Variants in SLC14A2 observed in about 807,000 individuals in gnomAD.
SLC14A2 encodes urea transporter 2.
Under a neutral mutation model 104.6 loss-of-function variants are expected in SLC14A2, and 91 were observed. The observed-to-expected ratio is 0.87, with a 90% CI of 0.73 to 1.04. The LOEUF is 1.04. SLC14A2 is among the 50% of genes least tolerant of loss of function. The pLI is 0.00. For missense variants in SLC14A2, 1,189 were observed against 1,156.0 expected (o/e 1.03, Z -0.41); for synonymous variants, 476 against 466.4 (o/e 1.02, Z -0.27).
At chr18:45,223,722 A>AGG (rs2084086102) in intron 1 of SLC14A2, among the ~76,000 whole-genome samples, 1 of 152,166 alleles carries the variant, frequency 6.6e-6, no homozygotes, top group Non-Finnish European at 1.5e-5. Flanking sequence ...TAAGGACTCT[A>AGG]AGACTCAGCC....
intron 10 of SLC14A2, among the ~76,000 whole-genome samples, chr18:45,660,654 A>C (rs1176252672): frequency 6.6e-6 from 1 of 152,244 alleles, no homozygotes; most frequent in African/African-American, 2.4e-5. Context: ...CAGTGGGATT[A>C]TGTGACTTGC....
chr18:45,644,858 ATTT>A (rs2045592014), intron 10 of SLC14A2, among the ~76,000 whole-genome samples: 1 of 151,996 alleles, frequency 6.6e-6, no homozygotes, highest in Admixed American at 6.6e-5. Context: ...TTAAAATTTA[ATTT>A]TTTTAATTTT....
At chr18:45,393,490 C>T (rs527965434) in intron 1 of SLC14A2, among the ~76,000 whole-genome samples, 2 of 152,308 alleles carry the variant, frequency 1.3e-5, no homozygotes, top group African/African-American at 4.8e-5. Context: ...TCATTTTTCT[C>T]TACAGAAAGG....
rs2043610875 is a variant in SLC14A2 at position 45,527,463 on chromosome 18, C to A, written c.-35+44141C>A. ...GATAAAAGCAAGAAGACAGGCTTCC[C>A]TTAAAGTTAGCAATAGCAATAGAAT... is the stretch of plus-strand genomic sequence containing the variant. On this transcript the variant is annotated intron_variant, in intron 2 of 20. Transcript: ENST00000586448. Among the ~76,000 whole-genome samples, 5 of 152,164 alleles carry A rather than the reference C, an allele frequency of 3.3e-5. No homozygotes were observed. In the South Asian group the frequency reaches 1.0e-3, roughly 32 times the overall value.
chr18:45,327,760 A>G (rs2144253353), intron 1 of SLC14A2, among the ~76,000 whole-genome samples: 1 of 152,300 alleles, frequency 6.6e-6, no homozygotes, highest in South Asian at 2.1e-4. Context: ...GTATGTATCC[A>G]TTGATGGACT....
chr18:45,298,721 A>G (rs970596532), intron 1 of SLC14A2, among the ~76,000 whole-genome samples: 41 of 152,320 alleles, frequency 2.7e-4, no homozygotes, highest in African/African-American at 9.4e-4. Flanking sequence ...AAGATACCCA[A>G]TTTAAATCTC....
At chr18:45,640,908 C>A (rs1357032867) in intron 7 of SLC14A2, among the ~76,000 whole-genome samples, 1 of 152,184 alleles carries the variant, frequency 6.6e-6, no homozygotes, top group Non-Finnish European at 1.5e-5. Context: ...GCTAAGACTG[C>A]AGTTGCTGTA....
intron 2 of SLC14A2, among the ~76,000 whole-genome samples, chr18:45,569,772 T>A (rs1028100582): frequency 2.0e-5 from 3 of 152,154 alleles, no homozygotes; most frequent in Non-Finnish European, 4.4e-5. Context: ...CAAATGACAG[T>A]GGGAGACACA....
rs188784165 is a variant in SLC14A2 at position 45,520,871 on chromosome 18, C to T, written c.-35+37549C>T. Among the ~76,000 whole-genome samples the T allele has an allele frequency of 2.6e-5, 4 of 152,314 alleles. No homozygotes were observed. The East Asian group carries it at 7.7e-4, about 29-fold the overall frequency. On this transcript the variant is annotated intron_variant, in intron 2 of 20. Coordinates refer to the SLC14A2 transcript ENST00000586448. ...TAAGTGGCAAAGCCCAGGGCATATA[C>T]AAGCTGTTAGGATCATGATTATTAT...
At chr18:45,572,537 G>A (rs1187631706) in intron 2 of SLC14A2, among the ~76,000 whole-genome samples, 1 of 152,180 alleles carries the variant, frequency 6.6e-6, no homozygotes, top group Non-Finnish European at 1.5e-5. Context: ...AGACTGCCAT[G>A]TTTAACCCTG....
At chr18:45,228,401 G>A (rs2084140840) in intron 1 of SLC14A2, among the ~76,000 whole-genome samples, 1 of 152,050 alleles carries the variant, frequency 6.6e-6, no homozygotes, top group Non-Finnish European at 1.5e-5. Context: ...TTGATGTGTG[G>A]ATGCCCTTCT....
chr18:45,466,382 A>T (rs2087142935), intron 1 of SLC14A2, among the ~76,000 whole-genome samples: 1 of 151,876 alleles, frequency 6.6e-6, no homozygotes, highest in Non-Finnish European at 1.5e-5. Context: ...GGGCATGTGC[A>T]TCAGTAACTG....
chr18:45,423,292 A>C (rs1377427986), intron 1 of SLC14A2, among the ~76,000 whole-genome samples: 1 of 152,206 alleles, frequency 6.6e-6, no homozygotes, highest in Admixed American at 6.5e-5. Flanking sequence ...ATCCTTCTGA[A>C]AGGTGGTTAT....
chr18:45,578,856 G>T (rs2044450909), intron 2 of SLC14A2, among the ~76,000 whole-genome samples: 1 of 152,182 alleles, frequency 6.6e-6, no homozygotes, highest in African/African-American at 2.4e-5. Context: ...AATTTATTTA[G>T]CTTAGGAACT....
intron 2 of SLC14A2, among the ~76,000 whole-genome samples, chr18:45,598,478 C>G (rs770336580): frequency 1.3e-5 from 2 of 152,078 alleles, no homozygotes; most frequent in Non-Finnish European, 2.9e-5. Context: ...AGACGCTTTC[C>G]TTTTTAAGTC....
chr18:45,328,283 A>G (rs994073525), intron 1 of SLC14A2, among the ~76,000 whole-genome samples: 2 of 152,196 alleles, frequency 1.3e-5, no homozygotes, highest in African/African-American at 2.4e-5. Flanking sequence ...TGGAGTCCCC[A>G]GCAAACGCAT....
chr18:45,290,114 C>T (rs1345728527), intron 1 of SLC14A2, among the ~76,000 whole-genome samples: 6 of 151,524 alleles, frequency 4.0e-5, no homozygotes, highest in Admixed American at 2.0e-4. Context: ...GTAAAAAAAA[C>T]GTTTATTTTA....
rs139192217 is a variant in SLC14A2 at position 45,371,556 on chromosome 18, A to G, written c.-124-111677A>G. On this transcript the variant is annotated intron_variant, in intron 1 of 20. Transcript: ENST00000586448. ...AACTGAGACTTAGCTAGTTAAGTCT[A>G]AGTTTACACATGTATCTAAGACTAC... Among the ~76,000 whole-genome samples, 393 of 152,330 alleles carry G rather than the reference A, an allele frequency of 2.6e-3. 2 individuals carry two copies. Among genetic ancestry groups the G allele is most frequent in the Middle Eastern group, 0.017 (5 of 294 alleles).
the SLC14A2 span, among the ~76,000 whole-genome samples, chr18:45,186,054 T>C: frequency 6.6e-6 from 1 of 152,238 alleles, no homozygotes; most frequent in Non-Finnish European, 1.5e-5. Flanking sequence ...ATTTTCATAT[T>C]AGTCTCTAAA....
Sources: allele counts gnomAD v4.1 joint callset (sites outside exome capture counted in the v4.1 genomes callset), GRCh38; gene constraint gnomAD v4.1.1; transcripts MANE v1.5; gene names NCBI Gene and HGNC (gene_info 2026-07-23, HGNC 2026-07-21).